The following USP22 variants were observed in gnomAD, a reference collection of about 807,000 sequenced individuals.
USP22 encodes ubiquitin specific peptidase 22.
Under a neutral mutation model 68.1 loss-of-function variants are expected in USP22, and 22 were observed. The observed-to-expected ratio is 0.32, with a 90% CI of 0.23 to 0.46. USP22 has a LOEUF of 0.46. Ranked by LOEUF, USP22 falls within the 20% of genes least tolerant of loss-of-function variation. The pLI is 1.00. For synonymous variants in USP22, 279 were observed against 274.2 expected (o/e 1.02, Z -0.17); for missense variants, 433 against 695.8 (o/e 0.62, Z 4.25).
chr17:21,014,127 A>G (rs1217040022), intron 6 of USP22, among the ~76,000 whole-genome samples: 2 of 152,258 alleles, frequency 1.3e-5, no homozygotes, highest in Non-Finnish European at 2.9e-5. Flanking sequence ...TGAAGGCCAC[A>G]AGGACAAAAT....
chr17:21,016,091 A>G (rs1218619901), intron 5 of USP22, among the ~76,000 whole-genome samples, 192 bp from the exon 6 acceptor site: 2 of 152,160 alleles, frequency 1.3e-5, no homozygotes, highest in Non-Finnish European at 2.9e-5. Context: ...TCGAGTCCTC[A>G]TATGAATTTT....
intron 8 of USP22, among the ~76,000 whole-genome samples, chr17:21,008,953 AG>A (rs1913861598): frequency 6.6e-6 from 1 of 151,990 alleles, no homozygotes; most frequent in Non-Finnish European, 1.5e-5. Context: ...TAGCCGGGCG[AG>A]GTGGTGCATG....
At chr17:21,024,635 T>A (rs1972198694) in intron 2 of USP22, among the ~76,000 whole-genome samples, 1 of 152,174 alleles carries the variant, frequency 6.6e-6, no homozygotes, top group Non-Finnish European at 1.5e-5. Flanking sequence ...TGGTAAGGGA[T>A]TCTTAGATCT....
intron 2 of USP22, among the ~76,000 whole-genome samples, chr17:21,026,227 C>A (rs925003781): frequency 6.6e-6 from 1 of 152,212 alleles, no homozygotes; most frequent in Non-Finnish European, 1.5e-5. Context: ...CATTGCACAG[C>A]ATGATATTGA....
rs1265043256 is a variant in USP22 at position 21,004,939 on chromosome 17, G to A, written c.1374C>T (p.Asn458=). Residue 458 remains asparagine (N), a synonymous_variant, in exon 11 of 13, where the codon AAC becomes AAT. Transcript: ENST00000261497. ...TAAGCACCACTTACTTGTTGTCATT[G>A]TTGAGACTGTCCGTGGGCTGCTGGT... ...GQYQQPTDSL[N]NDNKYSLFAV... is the part of the protein sequence containing the mutation. The A allele has an allele frequency of 1.9e-6, 3 of 1,614,226 alleles. No individual in the cohort carries two copies. Among genetic ancestry groups the A allele is most frequent in the Admixed American group, 1.7e-5 (1 of 60,012 alleles).
chr17:21,024,034 A>G (rs1972190764), intron 2 of USP22, among the ~76,000 whole-genome samples: 1 of 152,226 alleles, frequency 6.6e-6, no homozygotes, highest in Non-Finnish European at 1.5e-5. Flanking sequence ...GTTGAAACTC[A>G]AAACAGCAGT....
At chr17:21,022,118 TAAA>T (rs145358241) in intron 2 of USP22, among the ~76,000 whole-genome samples, 2 of 151,820 alleles carry the variant, frequency 1.3e-5, no homozygotes, top group Admixed American at 1.3e-4. Flanking sequence ...AAAATAAAAA[TAAA>T]AAAATTATAG....
intron 1 of USP22, among the ~76,000 whole-genome samples, chr17:21,035,478 A>T (rs1993901): frequency 6.6e-6 from 1 of 151,486 alleles, no homozygotes; most frequent in African/African-American, 2.4e-5. Context: ...GAAAAGCCTT[A>T]ATAGGAGACC....
chr17:21,021,208 C>A lies in USP22; in HGVS notation c.323G>T (p.Gly108Val). 1 of 1,612,644 alleles carries A rather than the reference C, an allele frequency of 6.2e-7. No homozygotes were observed. The highest frequency in any genetic ancestry group is 8.5e-7 in the Non-Finnish European group (1 of 1,178,650). The change falls in exon 3 of 13, where the codon GGA becomes GTA. Residue 108 changes from glycine to valine, a missense_variant. Gly to Val is a moderately radical substitution (Grantham distance 109). Around this residue, in one of 4 missense-constraint regions of USP22, gnomAD observed 144 missense variants for 237.2 expected, o/e 0.61. Coordinates refer to ENST00000261497, the MANE Select transcript of USP22 (RefSeq NM_015276.2). ...RHNLAIDLMY[G>V]GIYCFLCQDY... Reference sequence around the variant, plus strand: ...CTGGCACAGAAAACAGTAGATGCCTCCGTACATCAGATCAATGGCTGAGGA... The same window carrying A: ...CTGGCACAGAAAACAGTAGATGCCTACGTACATCAGATCAATGGCTGAGGA...
rs74426689 is a variant in USP22 at position 21,031,147 on chromosome 17, T to C, written c.172-2473A>G. 2.5e-3 allele frequency among the ~76,000 whole-genome samples: 377 copies of C among 152,386 alleles called. 3 individuals carry two copies. The highest frequency in any genetic ancestry group is 0.017 in the East Asian group (89 of 5,190). ...CAAATAAATGGATAGAAGACAACTA[T>C]TAAATTGAACACATGTACCCTACAG... On this transcript the variant is annotated intron_variant, in intron 1 of 12. Coordinates refer to ENST00000261497, the MANE Select transcript of USP22 (RefSeq NM_015276.2).
rs374401356 is a variant in USP22 at position 21,019,756 on chromosome 17, C to T, written c.419-571G>A. Among the ~76,000 whole-genome samples, 104 of 152,382 alleles carry T rather than the reference C, an allele frequency of 6.8e-4. No homozygotes were observed. In the South Asian group the frequency reaches 0.011, roughly 16 times the overall value. Reference sequence around the variant, plus strand: ...GAAGTACTTGTTCCATGCCAACCAACATTTCTGAATACTTCAAAATACTTT... The same window carrying T: ...GAAGTACTTGTTCCATGCCAACCAATATTTCTGAATACTTCAAAATACTTT... On this transcript the variant is annotated intron_variant, in intron 3 of 12. Coordinates refer to ENST00000261497, the MANE Select transcript of USP22 (RefSeq NM_015276.2).
chr17:21,040,650 T>C (rs1972416168), intron 1 of USP22, among the ~76,000 whole-genome samples: 1 of 151,398 alleles, frequency 6.6e-6, no homozygotes, highest in Admixed American at 6.6e-5. Flanking sequence ...GCAAAGTTAG[T>C]TAATGATGGT....
Position 21,042,813 on chromosome 17 carries a change from T to G in USP22, c.23A>C (p.Glu8Ala), listed in dbSNP as rs764536881. 14 of 1,447,284 alleles carry G rather than the reference T, an allele frequency of 9.7e-6. No individual in the cohort carries two copies. In the Admixed American group the frequency reaches 3.2e-4, roughly 33 times the overall value. 89.7% of individuals were successfully genotyped at this position (1,447,284 alleles called of 1,614,324 possible). A position where few individuals can be genotyped will look rare whatever the true frequency, so the allele number is the denominator to read the frequency against. Residue 8 changes from glutamate (E) to alanine (A), a missense_variant, in exon 1 of 13, where the codon GAG becomes GCG. Physicochemically the swap from Glu to Ala is moderately radical, Grantham distance 107 (BLOSUM62 -1). Coordinates refer to ENST00000261497, the MANE Select transcript of USP22 (RefSeq NM_015276.2). MVSRPEPEGEAMDAELAV... is the reference protein window; with the variant it reads MVSRPEPAGEAMDAELAV... ...CAGCTCGGCGTCCATGGCCTCGCCC[T>G]CGGGCTCTGGCCGGGACACCATGGG...
intron 6 of USP22, among the ~76,000 whole-genome samples, chr17:21,014,814 C>T (rs1317619903): frequency 6.6e-6 from 1 of 152,156 alleles, no homozygotes; most frequent in Non-Finnish European, 1.5e-5. Context: ...GCCCAGAGAC[C>T]ACAGGAAACT....
intron 1 of USP22, among the ~76,000 whole-genome samples, chr17:21,030,958 T>G (rs1185196282): frequency 6.6e-6 from 1 of 152,222 alleles, no homozygotes; most frequent in Non-Finnish European, 1.5e-5. Context: ...TCCCAGTTCT[T>G]AGGAGGTAAA....
At chr17:21,003,318 C>T (rs1443950463) in intron 12 of USP22, among the ~76,000 whole-genome samples, 1 of 152,226 alleles carries the variant, frequency 6.6e-6, no homozygotes, top group African/African-American at 2.4e-5. Flanking sequence ...CATTGCCTCA[C>T]CCAACCTCCC....
chr17:21,028,762 A>G, intron 1 of USP22, 88 bp from the exon 2 acceptor site: 1 of 1,478,892 alleles, frequency 6.8e-7, no homozygotes, highest in Admixed American at 2.3e-5. Context: ...TCCCCCCGAG[A>G]CAGCTACTGG....
chr17:21,020,875 C>T (rs1476605630), intron 3 of USP22, among the ~76,000 whole-genome samples: 2 of 152,188 alleles, frequency 1.3e-5, no homozygotes, highest in East Asian at 3.9e-4. Flanking sequence ...GCAAGGGAAG[C>T]ACCCTGGAAG....
At chr17:21,013,374 G>A (rs1000948133) in intron 6 of USP22, among the ~76,000 whole-genome samples, 14 of 152,182 alleles carry the variant, frequency 9.2e-5, no homozygotes, top group East Asian at 5.8e-4. Flanking sequence ...AAGTGACACC[G>A]CAGGACACAG....
Sources: gnomAD v4.1 joint callset for allele counts (sites outside exome capture counted in the v4.1 genomes callset) on GRCh38, gnomAD v4.1.1 for gene constraint, gnomAD v4.1.1 regional missense constraint, MANE v1.5 for transcripts, NCBI Gene and HGNC (gene_info 2026-07-23, HGNC 2026-07-21) for gene names.